The following DOCK9 variants were observed in gnomAD, a reference collection of about 807,000 sequenced individuals.
DOCK9 encodes dedicator of cytokinesis protein 9.
Under a neutral mutation model 263.3 loss-of-function variants are expected in DOCK9, and 89 were observed. That is an observed-to-expected ratio of 0.34 (90% confidence interval 0.28 to 0.40). The LOEUF (loss-of-function observed/expected upper bound fraction) is 0.40. Ranked by LOEUF, DOCK9 falls within the 10% of genes least tolerant of loss-of-function variation. DOCK9 has a pLI of 1.00. For missense variants in DOCK9, 2,140 were observed against 2,603.4 expected (o/e 0.82, Z 3.87); for synonymous variants, 976 against 973.1 (o/e 1.00, Z -0.06).
At chr13:99,048,843 A>T (rs1470897864) in intron 1 of DOCK9, among the ~76,000 whole-genome samples, 2 of 152,228 alleles carry the variant, frequency 1.3e-5, no homozygotes, top group Non-Finnish European at 2.9e-5. Flanking sequence ...TAAAGACTTC[A>T]CACCAAAAAG....
chr13:98,898,314 G>C, intron 13 of DOCK9, 53 bp from the exon 14 acceptor site: 4 of 1,412,864 alleles, frequency 2.8e-6, no homozygotes, highest in Non-Finnish European at 4.0e-6. Context: ...TGAAAGAACT[G>C]TGACCTCAAG....
At chr13:99,086,693 G>A (rs1443935157), upstream of DOCK9, 1 of 146,856 alleles carries the variant, frequency 6.8e-6, no homozygotes, top group Non-Finnish European at 1.5e-5. Flanking sequence ...TCGGGGCGGG[G>A]TGTCCGGCGC....
At position 98,904,655 on chromosome 13, in the gene DOCK9, A is replaced by G; in HGVS notation, c.1012T>C (p.Phe338Leu). Residue 338 changes from phenylalanine to leucine, a missense_variant, in exon 10 of 53, where the codon TTT becomes CTT. Physicochemically the swap from Phe to Leu is conservative, Grantham distance 22 (BLOSUM62 0). Around this residue, in one of 2 missense-constraint regions of DOCK9, gnomAD observed 1,521 missense variants for 1,741.7 expected, o/e 0.87. Coordinates refer to ENST00000682017, the MANE Select transcript of DOCK9 (RefSeq NM_001366683.2). ...KLKSESRVKLFYLDPDAQKLD... is the reference protein window; with the variant it reads ...KLKSESRVKLLYLDPDAQKLD... ...ACCTGGGCATCTGGGTCCAAATAAA[A>G]AAGTTTGACTCTGCTTTCACTTTTC... The G allele has an allele frequency of 6.4e-7, 1 of 1,557,664 alleles. No homozygotes were observed. Among genetic ancestry groups the G allele is most frequent in the Non-Finnish European group, 8.7e-7 (1 of 1,149,488 alleles).
rs115592985 is a variant in DOCK9 at position 98,882,998 on chromosome 13, T to C, written c.2559+44A>G. 2,199 of 1,558,806 alleles carry C rather than the reference T, an allele frequency of 1.4e-3. 31 individuals are homozygous for C. In the African/African-American group the frequency reaches 0.027, roughly 19 times the overall value. ...CCACCAAAGAGAAAACCCAACCTAC[T>C]CCAAACTCACTTAAAAGGGGATACT... On this transcript the variant is annotated intron_variant, in intron 23 of 52. Coordinates refer to ENST00000682017, the MANE Select transcript of DOCK9 (RefSeq NM_001366683.2).
chr13:98,846,746 T>G, intron 37 of DOCK9: 1 of 375,480 alleles, frequency 2.7e-6, no homozygotes, highest in Admixed American at 3.5e-5. Flanking sequence ...GGGACATGCA[T>G]GGACTATCAT....
intron 1 of DOCK9, among the ~76,000 whole-genome samples, chr13:99,026,110 G>A (rs1450474762): frequency 1.1e-5 from 1 of 94,644 alleles, no homozygotes; most frequent in Non-Finnish European, 2.3e-5. Flanking sequence ...CAGTTCCCTA[G>A]GGCTAGGGGG....
intron 1 of DOCK9, among the ~76,000 whole-genome samples, chr13:98,961,004 C>T (rs1300047755): frequency 3.3e-5 from 5 of 152,062 alleles, no homozygotes; most frequent in Non-Finnish European, 5.9e-5. Flanking sequence ...GCTGTAATTC[C>T]CTGGAGAGTG....
At chr13:98,982,874 G>T (rs567533683), upstream of DOCK9, among the ~76,000 whole-genome samples, 5 of 152,198 alleles carry the variant, frequency 3.3e-5, no homozygotes, top group South Asian at 1.0e-3. Context: ...TTTGCTAGAC[G>T]TTTTTTGAGA....
intron 1 of DOCK9, among the ~76,000 whole-genome samples, chr13:99,064,484 A>G (rs182576672): frequency 5.3e-4 from 80 of 152,298 alleles, no homozygotes; most frequent in Admixed American, 5.2e-3. Context: ...CTGAGCTTTT[A>G]TTTGGAAATA....
At chr13:98,903,599 C>CAAAAAAAAAAAAAAAAA (rs72290114) in intron 10 of DOCK9, among the ~76,000 whole-genome samples, 2 of 78,540 alleles carry the variant, frequency 2.5e-5, no homozygotes, top group Non-Finnish European at 4.8e-5. Flanking sequence ...GACTCTGCCT[C>CAAAAAAAAAAAAAAAAA]AAAAAAAAAA....
intron 4 of DOCK9, among the ~76,000 whole-genome samples, chr13:98,923,859 A>C (rs768732265): frequency 2.0e-4 from 31 of 152,266 alleles, no homozygotes; most frequent in Non-Finnish European, 2.9e-4. Context: ...TTAATCCTTT[A>C]ATCATGGTGA....
intron 2 of DOCK9, 62 bp from the exon 3 acceptor site, chr13:98,930,319 A>G (rs2053712348): frequency 1.1e-5 from 15 of 1,427,330 alleles, no homozygotes; most frequent in Non-Finnish European, 1.5e-5. Flanking sequence ...CCAGCCTCAG[A>G]GTGCAGCTGT....
chr13:98,959,015 A>G (rs1175130199), intron 1 of DOCK9, among the ~76,000 whole-genome samples: 1 of 152,184 alleles, frequency 6.6e-6, no homozygotes, highest in African/African-American at 2.4e-5. Context: ...CTTTTGTGTG[A>G]CAAAGTGTAA....
At chr13:98,895,975 G>T (rs2047365613) in intron 15 of DOCK9, among the ~76,000 whole-genome samples, 1 of 152,136 alleles carries the variant, frequency 6.6e-6, no homozygotes, top group Admixed American at 6.5e-5. Context: ...AGGAACCCTG[G>T]AAGGCTAACC....
At chr13:98,920,921 A>G (rs762244817) in intron 7 of DOCK9, 33 bp downstream of exon 7, 3 of 1,560,632 alleles carry the variant, frequency 1.9e-6, no homozygotes, top group Non-Finnish European at 2.6e-6. Flanking sequence ...TGCAGATAAG[A>G]AAACATAATG....
chr13:98,796,367 CG>C lies in DOCK9; in HGVS notation c.6156+747del, dbSNP rs1721073062. Among the ~76,000 whole-genome samples, 4 of 152,028 alleles carry C rather than the reference CG, an allele frequency of 2.6e-5. No homozygotes were observed. In the South Asian group the frequency reaches 8.3e-4, roughly 31 times the overall value. ...GCTTCCACTGTGCCAGACTGAAGGA[CG>C]ATAATGGAGGGGCCAGACAGAGCAG... On this transcript the variant is annotated intron_variant, in intron 52 of 52. Coordinates refer to ENST00000682017, the MANE Select transcript of DOCK9 (RefSeq NM_001366683.2).
At chr13:98,805,330 C>T in intron 48 of DOCK9, 121 bp from the exon 49 acceptor site, 1 of 859,194 alleles carries the variant, frequency 1.2e-6, no homozygotes, top group South Asian at 1.7e-5. Flanking sequence ...GTACAACAAA[C>T]ATCCACATAT....
At chr13:98,904,595 T>C (rs2139561535) in intron 10 of DOCK9, 37 bp downstream of exon 10, 1 of 1,427,250 alleles carries the variant, frequency 7.0e-7, no homozygotes, top group Non-Finnish European at 9.5e-7. Context: ...CTCTCCCACA[T>C]TTGGTTTTAA....
chr13:98,830,411 A>G (rs2092711930), intron 41 of DOCK9, among the ~76,000 whole-genome samples: 1 of 152,158 alleles, frequency 6.6e-6, no homozygotes, highest in South Asian at 2.1e-4. Context: ...TGGTCTCCCT[A>G]GCTGAGGTCT....
Sources: gnomAD v4.1 joint callset for allele counts (sites outside exome capture counted in the v4.1 genomes callset) on GRCh38, gnomAD v4.1.1 for gene constraint, gnomAD v4.1.1 regional missense constraint, MANE v1.5 for transcripts, NCBI Gene and HGNC (gene_info 2026-07-23, HGNC 2026-07-21) for gene names.